Variants in ZMYND11 observed in about 807,000 individuals in gnomAD.
ZMYND11 encodes zinc finger MYND-type containing 11.
ZMYND11 carries 9 observed loss-of-function variants against 84.9 expected under a neutral mutation model. The observed-to-expected ratio is 0.11, with a 90% CI of 0.06 to 0.18. The LOEUF (loss-of-function observed/expected upper bound fraction) is 0.18, where lower values mean the gene tolerates loss of function less well. ZMYND11 is among the 10% of genes least tolerant of loss of function. The pLI is 1.00. For missense variants in ZMYND11, 409 were observed against 761.0 expected, an observed-to-expected ratio of 0.54 and a Z score of 5.44; for synonymous variants, 250 against 244.1, an observed-to-expected ratio of 1.02 and a Z score of -0.23.
intron 4 of ZMYND11, among the ~76,000 whole-genome samples, chr10:222,015 C>A (rs1378897388): frequency 2.0e-5 from 3 of 151,864 alleles, no homozygotes; most frequent in Non-Finnish European, 4.4e-5. Flanking sequence ...TGTGTGTATA[C>A]GAGTGATATG....
intron 3 of ZMYND11, among the ~76,000 whole-genome samples, chr10:218,925 C>G (rs1946654312): frequency 1.3e-5 from 2 of 152,178 alleles, no homozygotes; most frequent in Admixed American, 1.3e-4. Context: ...GATTCAGAGT[C>G]TAGTAACTTT....
chr10:218,357 G>A (rs1030081436), intron 3 of ZMYND11: 1 of 183,900 alleles, frequency 5.4e-6, no homozygotes, highest in South Asian at 1.2e-4. Flanking sequence ...ATAATAAACA[G>A]TTTGGCCCTG....
chr10:178,909 G>A (rs574900177), intron 1 of ZMYND11, among the ~76,000 whole-genome samples: 5 of 152,286 alleles, frequency 3.3e-5, no homozygotes, highest in African/African-American at 1.2e-4. Flanking sequence ...AAGAAACACA[G>A]AGGTAGAGAA....
At chr10:180,400 T>G (rs866913773) in intron 2 of ZMYND11, among the ~76,000 whole-genome samples, 2 of 152,180 alleles carry the variant, frequency 1.3e-5, no homozygotes, top group African/African-American at 4.8e-5. Flanking sequence ...TAACTCTATT[T>G]ATTGATTTAT....
At chr10:174,189 T>C (rs1846025931) in intron 1 of ZMYND11, among the ~76,000 whole-genome samples, 1 of 152,234 alleles carries the variant, frequency 6.6e-6, no homozygotes, top group Non-Finnish European at 1.5e-5. Flanking sequence ...CTGTGTTATA[T>C]GCAGCCAGTG....
At chr10:198,778 A>G (rs1395263275) in intron 2 of ZMYND11, among the ~76,000 whole-genome samples, 3 of 152,188 alleles carry the variant, frequency 2.0e-5, no homozygotes, top group Non-Finnish European at 2.9e-5. Flanking sequence ...CTCCCATGTG[A>G]GTGTTTTTAT....
chr10:176,023 A>G (rs563906738), intron 1 of ZMYND11, among the ~76,000 whole-genome samples: 62 of 152,314 alleles, frequency 4.1e-4, no homozygotes, highest in Non-Finnish European at 5.4e-4. Flanking sequence ...TCCTTAAAGC[A>G]GTTTTCACAA....
At chr10:176,886 G>A (rs1409450063) in intron 1 of ZMYND11, among the ~76,000 whole-genome samples, 4 of 152,142 alleles carry the variant, frequency 2.6e-5, no homozygotes, top group African/African-American at 9.7e-5. Context: ...GCATAATTGG[G>A]AACTGTGAGC....
intron 1 of ZMYND11, among the ~76,000 whole-genome samples, chr10:166,333 T>C (rs1844013522): frequency 6.6e-6 from 1 of 152,136 alleles, no homozygotes; most frequent in African/African-American, 2.4e-5. Context: ...GGAGAATGTT[T>C]GCAAAGCTTA....
Position 221,190 on chromosome 10 carries a change from T to C in ZMYND11, c.277-5T>C, listed in dbSNP as rs762226267. 6.2e-7 allele frequency: 1 copy of C among 1,613,182 alleles called. No homozygotes were observed. Among genetic ancestry groups the C allele is most frequent in the African/African-American group, 1.3e-5 (1 of 74,914 alleles). ...CATACAAAACTATTTTGTACTTTTT[T>C]GTAGGACTGGGAAACAGAAAATCAT... On this transcript the variant is annotated splice_polypyrimidine_tract_variant and splice_region_variant and intron_variant, in intron 3 of 14. Coordinates refer to ENST00000381604, the MANE Select transcript of ZMYND11 (RefSeq NM_001370100.5).
chr10:245,813 T>C (rs374223392), intron 10 of ZMYND11, among the ~76,000 whole-genome samples: 1 of 152,180 alleles, frequency 6.6e-6, no homozygotes, highest in African/African-American at 2.4e-5. Flanking sequence ...TCTGACAAAA[T>C]TGTAAGTCCC....
intron 14 of ZMYND11, 56 bp downstream of exon 14, chr10:249,144 G>A (rs747120315): frequency 1.2e-6 from 2 of 1,608,982 alleles, no homozygotes; most frequent in Non-Finnish European, 1.7e-6. Flanking sequence ...CAGGTATGAT[G>A]CCCGTTAATT....
chr10:172,917 C>A (rs1845691426), intron 1 of ZMYND11, among the ~76,000 whole-genome samples: 1 of 151,842 alleles, frequency 6.6e-6, no homozygotes, highest in African/African-American at 2.4e-5. Context: ...ATAGAGAACC[C>A]AGAAATACTC....
intron 1 of ZMYND11, among the ~76,000 whole-genome samples, chr10:153,445 T>G (rs1554757719): frequency 6.6e-6 from 1 of 152,252 alleles, no homozygotes; most frequent in African/African-American, 2.4e-5. Flanking sequence ...CAGTAATCCC[T>G]GATCTACCAT....
chr10:145,143 T>C (rs981932168), intron 1 of ZMYND11, among the ~76,000 whole-genome samples: 1 of 151,288 alleles, frequency 6.6e-6, no homozygotes, highest in Non-Finnish European at 1.5e-5. Flanking sequence ...CATATATATA[T>C]GTGTATATAT....
intron 10 of ZMYND11, 37 bp from the exon 11 acceptor site, chr10:246,729 G>C: frequency 1.2e-6 from 2 of 1,600,252 alleles, no homozygotes; most frequent in Non-Finnish European, 1.7e-6. Flanking sequence ...CTGCCATTTG[G>C]GATGTTTCTA....
chr10:224,340 A>G (rs1947703612), intron 4 of ZMYND11, among the ~76,000 whole-genome samples: 1 of 152,224 alleles, frequency 6.6e-6, no homozygotes, highest in Non-Finnish European at 1.5e-5. Context: ...AATCTCTAGA[A>G]TCTATAACCC....
At chr10:222,222 T>G (rs1400091138) in intron 4 of ZMYND11, among the ~76,000 whole-genome samples, 1 of 152,226 alleles carries the variant, frequency 6.6e-6, no homozygotes, top group East Asian at 1.9e-4. Context: ...AAAAAACATT[T>G]TTTCATAACT....
upstream of ZMYND11, chr10:134,740 T>G (rs1835484304): frequency 6.6e-6 from 1 of 152,596 alleles, no homozygotes; most frequent in African/African-American, 2.4e-5. Flanking sequence ...CAATGCCCCC[T>G]CGCGCCCCGG....
Sources: gnomAD v4.1 joint callset for allele counts (sites outside exome capture counted in the v4.1 genomes callset) on GRCh38, gnomAD v4.1.1 for gene constraint, MANE v1.5 for transcripts, NCBI Gene and HGNC (gene_info 2026-07-23, HGNC 2026-07-21) for gene names.